The following FOXP2 variants were observed in gnomAD, a reference collection of about 807,000 sequenced individuals.
The protein encoded by FOXP2 is forkhead box P2.
FOXP2 carries 12 observed loss-of-function variants against 115.8 expected under a neutral mutation model. The ratio of observed to expected loss-of-function variants is 0.10; its 90% CI spans 0.07 to 0.17. The LOEUF is 0.17. FOXP2 is among the 10% of genes least tolerant of loss of function. The probability of loss-of-function intolerance (pLI) is 1.00; values close to 1 mark genes in which losing one functional copy is unlikely to be tolerated. For missense variants in FOXP2, 629 were observed against 843.5 expected, an observed-to-expected ratio of 0.75 and a Z score of 3.15; for synonymous variants, 328 against 297.7, an observed-to-expected ratio of 1.10 and a Z score of -1.05.
At chr7:114,527,109 G>C (rs1403281007) in intron 2 of FOXP2, among the ~76,000 whole-genome samples, 1 of 150,964 alleles carries the variant, frequency 6.6e-6, no homozygotes, top group Non-Finnish European at 1.5e-5. Context: ...ATGTTTTCAA[G>C]GTTTATCCAT....
intron 2 of FOXP2, among the ~76,000 whole-genome samples, chr7:114,397,683 A>C (rs775286924): frequency 5.9e-5 from 9 of 152,180 alleles, no homozygotes; most frequent in Non-Finnish European, 1.2e-4. Context: ...TGATAATGAG[A>C]TGAGGCTGAA....
intron 1 of FOXP2, among the ~76,000 whole-genome samples, chr7:114,239,983 G>C (rs1393443117): frequency 1.3e-5 from 2 of 152,064 alleles, no homozygotes; most frequent in Non-Finnish European, 2.9e-5. Flanking sequence ...TATGGGCAAG[G>C]GTTTACTTAA....
At chr7:114,096,423 T>A (rs1165036343) in intron 1 of FOXP2, among the ~76,000 whole-genome samples, 1 of 152,210 alleles carries the variant, frequency 6.6e-6, no homozygotes, top group Non-Finnish European at 1.5e-5. Flanking sequence ...TAAGTTGCCC[T>A]TTTATCCCTT....
intron 2 of FOXP2, among the ~76,000 whole-genome samples, chr7:114,445,965 G>T (rs112984622): frequency 1.3e-5 from 2 of 151,940 alleles, no homozygotes; most frequent in Non-Finnish European, 2.9e-5. Context: ...AGCCAATCTG[G>T]TACTGTAATT....
upstream of FOXP2, chr7:114,086,676 C>T (rs1584470175): frequency 7.1e-6 from 2 of 283,538 alleles, no homozygotes; most frequent in African/African-American, 4.7e-5. Flanking sequence ...CCAGCCACCT[C>T]CACGCTGGGC....
At chr7:114,162,424 G>T (rs1792865372), upstream of FOXP2, among the ~76,000 whole-genome samples, 1 of 151,648 alleles carries the variant, frequency 6.6e-6, no homozygotes, top group Non-Finnish European at 1.5e-5. Context: ...ATTTCTTGCT[G>T]TCTTACAGGC....
At chr7:114,164,546 A>G (rs1430722574) in intron 1 of FOXP2, among the ~76,000 whole-genome samples, 1 of 151,896 alleles carries the variant, frequency 6.6e-6, no homozygotes, top group Non-Finnish European at 1.5e-5. Flanking sequence ...GGGTTTCACC[A>G]TGTTGGCCTG....
rs1274425169 is a variant in FOXP2 at position 114,250,207 on chromosome 7, TG to T, written c.-101-37809del. Among the ~76,000 whole-genome samples the T allele has an allele frequency of 3.9e-5, 6 of 152,266 alleles. No individual in the cohort carries two copies. In the East Asian group the frequency reaches 1.2e-3, roughly 29 times the overall value. On this transcript the variant is annotated intron_variant, in intron 1 of 17. Transcript: ENST00000634411. ...ATCCAGTCTATCACTGATGGACATTTGGGTTGGTTCCAAGTCTTTGCTATTG... is the reference window on the plus strand; with the variant it reads ...ATCCAGTCTATCACTGATGGACATTTGGTTGGTTCCAAGTCTTTGCTATTG...
chr7:114,545,158 C>T (rs1364605108), intron 3 of FOXP2, among the ~76,000 whole-genome samples: 1 of 152,116 alleles, frequency 6.6e-6, no homozygotes, highest in Non-Finnish European at 1.5e-5. Flanking sequence ...AACAAGAAAA[C>T]AGTGAACCCC....
chr7:114,147,305 T>C lies in FOXP2; in HGVS notation c.-246-15639T>C, dbSNP rs144197451. 2.7e-3 allele frequency among the ~76,000 whole-genome samples: 415 copies of C among 152,342 alleles called. 4 individuals carry two copies. Among genetic ancestry groups the C allele is most frequent in the Non-Finnish European group, 3.5e-3 (240 of 68,022 alleles). On this transcript the variant is annotated intron_variant, in intron 1 of 19. Transcript: ENST00000635638. ...TGTATGTTGATAACAGTTACTTTTT[T>C]TATTTGGCTGTCCCCAGAATTTCTC... is the stretch of plus-strand genomic sequence containing the variant.
chr7:114,325,024 C>T (rs1797523118), intron 2 of FOXP2, among the ~76,000 whole-genome samples: 1 of 151,788 alleles, frequency 6.6e-6, no homozygotes, highest in South Asian at 2.1e-4. Context: ...TATTCATCTC[C>T]TCAAGCATTT....
chr7:114,675,979 A>G (rs1585018245), intron 16 of FOXP2, among the ~76,000 whole-genome samples: 1 of 151,140 alleles, frequency 6.6e-6, no homozygotes, highest in East Asian at 1.9e-4. Flanking sequence ...GTGCAGTCTC[A>G]GCTCACTGCA....
At chr7:114,566,255 A>T (rs1379237893) in intron 3 of FOXP2, among the ~76,000 whole-genome samples, 1 of 152,122 alleles carries the variant, frequency 6.6e-6, no homozygotes, top group East Asian at 1.9e-4. Flanking sequence ...CTGAACATTG[A>T]TGTTTTCATT....
At position 114,690,855 on chromosome 7, in the gene FOXP2, C is replaced by A. The variant is rs1397158955; in HGVS notation, c.*929C>A. On this transcript the variant is annotated 3_prime_UTR_variant, in exon 17 of 17. Transcript: ENST00000350908. ...AGTACAAAGGAACCTTTTCCATGAACTACCTGCTGTTTTCTGATGACCTCT... is the reference window on the plus strand; with the variant it reads ...AGTACAAAGGAACCTTTTCCATGAAATACCTGCTGTTTTCTGATGACCTCT... 2.9e-5 allele frequency: 13 copies of A among 454,406 alleles called. No individual in the cohort carries two copies. Among genetic ancestry groups the A allele is most frequent in the Non-Finnish European group, 4.9e-5 (11 of 226,786 alleles). The allele number at this position is 454,406 out of a possible 1,614,324, so 28.1% of individuals were successfully genotyped here.
At chr7:114,651,432 A>T (rs978351843) in intron 8 of FOXP2, among the ~76,000 whole-genome samples, 3 of 152,096 alleles carry the variant, frequency 2.0e-5, no homozygotes, top group Non-Finnish European at 4.4e-5. Context: ...TTCATTGGAG[A>T]TGCTGCTTTA....
At chr7:114,513,768 A>C (rs1798189688) in intron 2 of FOXP2, among the ~76,000 whole-genome samples, 2 of 152,112 alleles carry the variant, frequency 1.3e-5, no homozygotes, top group African/African-American at 4.8e-5. Flanking sequence ...TCAGCTAAAA[A>C]GTCCTAATTT....
intron 2 of FOXP2, among the ~76,000 whole-genome samples, chr7:114,356,391 G>A (rs1791618022): frequency 6.6e-6 from 1 of 152,028 alleles, no homozygotes; most frequent in Non-Finnish European, 1.5e-5. Flanking sequence ...GTTAATTCAG[G>A]GTCAAGCCAG....
In FOXP2 at chr7:114,644,760, C is replaced by G. The variant is rs1374396490; in HGVS notation, c.1065C>G (p.Ser355Arg). 1 of 1,611,772 alleles carries G rather than the reference C, an allele frequency of 6.2e-7. No homozygotes were observed. The highest frequency in any genetic ancestry group is 8.5e-7 in the Non-Finnish European group (1 of 1,179,042). The change falls in exon 8 of 17, where the codon AGC (serine) becomes AGG (arginine). Residue 355 changes from serine (S) to arginine (R), a missense_variant. Ser to Arg is a moderately radical substitution (Grantham distance 110, BLOSUM62 -1). This residue lies in a region of FOXP2 where 24 missense variants were observed against 76.3 expected (regional missense o/e 0.31). Transcript: ENST00000350908. ...HGVCKWPGCESICEDFGQFLK... is the reference protein window; with the variant it reads ...HGVCKWPGCERICEDFGQFLK... ...TTTGCAAATGGCCAGGCTGTGAAAGCATTTGTGAAGATTTTGGACAGTTTT... is the reference window on the plus strand; with the variant it reads ...TTTGCAAATGGCCAGGCTGTGAAAGGATTTGTGAAGATTTTGGACAGTTTT...
chr7:114,659,805 T>A, intron 13 of FOXP2, 132 bp downstream of exon 13: 1 of 739,652 alleles, frequency 1.4e-6, no homozygotes, highest in South Asian at 1.5e-5. Flanking sequence ...TTGAATGGAA[T>A]GAATTCCCTC....
Sources: allele counts gnomAD v4.1 joint callset (sites outside exome capture counted in the v4.1 genomes callset), GRCh38; gene constraint gnomAD v4.1.1; regional missense constraint gnomAD v4.1.1; transcripts MANE v1.5; gene names NCBI Gene and HGNC (gene_info 2026-07-23, HGNC 2026-07-21).